Variants in DTNB observed in about 807,000 individuals in gnomAD.
The protein encoded by DTNB is DTN-B.
DTNB carries 63 observed loss-of-function variants against 90.7 expected under a neutral mutation model. The ratio of observed to expected loss-of-function variants is 0.69; its 90% confidence interval spans 0.57 to 0.86. The LOEUF (loss-of-function observed/expected upper bound fraction) is 0.86, where lower values mean the gene tolerates loss of function less well. DTNB is among the 40% of genes least tolerant of loss of function. DTNB has a pLI of 0.00. For synonymous variants in DTNB, 277 were observed against 286.7 expected, an observed-to-expected ratio of 0.97 and a Z score of 0.34; for missense variants, 744 against 807.1, an observed-to-expected ratio of 0.92 and a Z score of 0.95.
At chr2:25,587,262 A>T (rs2062624785) in intron 6 of DTNB, among the ~76,000 whole-genome samples, 1 of 152,242 alleles carries the variant, frequency 6.6e-6, no homozygotes, top group African/African-American at 2.4e-5. Context: ...TGATGATTTA[A>T]ACTCAAATTT....
intron 12 of DTNB, among the ~76,000 whole-genome samples, chr2:25,435,817 T>C (rs904133279): frequency 1.3e-5 from 2 of 152,228 alleles, no homozygotes; most frequent in African/African-American, 4.8e-5. Flanking sequence ...AGTGACTGTA[T>C]TATTTTACAT....
chr2:25,435,745 G>A lies in DTNB; in HGVS notation c.1258-1750C>T, dbSNP rs527675477. ...ATTATTTCTCTTGTGTACGTACCTA[G>A]GAATGGAATTACTGGGTCATATGGT... On this transcript the variant is annotated intron_variant, in intron 12 of 20. Transcript: ENST00000406818. 5.3e-5 allele frequency among the ~76,000 whole-genome samples: 8 copies of A among 152,298 alleles called. No homozygotes were observed. The East Asian group carries it at 1.5e-3, about 29-fold the overall frequency.
chr2:25,623,839 T>C (rs1320518688), intron 4 of DTNB, among the ~76,000 whole-genome samples: 3 of 152,184 alleles, frequency 2.0e-5, no homozygotes, highest in Non-Finnish European at 4.4e-5. Context: ...GAAATCTAGA[T>C]ATTAGATTGT....
Position 25,556,824 on chromosome 2 carries a change from G to A in DTNB, c.876+20014C>T, listed in dbSNP as rs544745554. ...AGAGGAGATAAAGGAAACTAGAATC[G>A]CAGATTCAAAAACATAAAACTAAGA... On this transcript the variant is annotated intron_variant, in intron 8 of 20. Transcript: ENST00000406818. 5.9e-5 allele frequency among the ~76,000 whole-genome samples: 9 copies of A among 152,266 alleles called. No individual in the cohort carries two copies. The South Asian group carries it at 8.3e-4, about 14-fold the overall frequency.
intron 9 of DTNB, among the ~76,000 whole-genome samples, chr2:25,486,635 A>G (rs1268653300): frequency 6.6e-6 from 1 of 150,444 alleles, no homozygotes; most frequent in African/African-American, 2.4e-5. Context: ...CCTGTCTCAA[A>G]AAAAAAAAAA....
intron 16 of DTNB, among the ~76,000 whole-genome samples, chr2:25,388,828 G>GTGTA (rs1553311494): frequency 6.6e-6 from 1 of 151,102 alleles, no homozygotes; most frequent in African/African-American, 2.5e-5. Flanking sequence ...GTGTGTGTGT[G>GTGTA]TGTATGTATA....
In DTNB at chr2:25,585,787, T is replaced by C. The variant is rs148768423; in HGVS notation, c.604-4961A>G. Among the ~76,000 whole-genome samples the C allele has an allele frequency of 6.4e-3, 973 of 152,340 alleles. 8 individuals are homozygous for C. The highest frequency in any genetic ancestry group is 0.022 in the African/African-American group (920 of 41,578). ...AAGTTTTCAGGTTAAAACATTTTTA[T>C]GCAAACTTCTGAGTATAGTTACAGA... On this transcript the variant is annotated intron_variant, in intron 6 of 20. Coordinates refer to ENST00000406818, the MANE Select transcript of DTNB (RefSeq NM_021907.5).
intron 15 of DTNB, among the ~76,000 whole-genome samples, chr2:25,420,173 G>T (rs540555957): frequency 5.3e-5 from 8 of 150,342 alleles, no homozygotes; most frequent in African/African-American, 2.0e-4. Flanking sequence ...TAGCAATTCT[G>T]CCCACTACAG....
chr2:25,624,319 G>A (rs1051238728), intron 4 of DTNB, among the ~76,000 whole-genome samples: 9 of 152,174 alleles, frequency 5.9e-5, no homozygotes, highest in Admixed American at 3.3e-4. Flanking sequence ...ACATTGTCAG[G>A]ACCTCCTGAG....
chr2:25,496,572 A>C (rs2068889865), intron 9 of DTNB, among the ~76,000 whole-genome samples: 1 of 152,202 alleles, frequency 6.6e-6, no homozygotes, highest in African/African-American at 2.4e-5. Context: ...GGCTGGGCGC[A>C]GTGGCTCACA....
chr2:25,474,110 G>A (rs2063314281), intron 10 of DTNB, among the ~76,000 whole-genome samples: 1 of 152,170 alleles, frequency 6.6e-6, no homozygotes. Context: ...ATCTGAGTTA[G>A]AACTGGTGAA....
chr2:25,542,941 G>C (rs1458329091), intron 8 of DTNB, among the ~76,000 whole-genome samples: 1 of 151,738 alleles, frequency 6.6e-6, no homozygotes, highest in Non-Finnish European at 1.5e-5. Context: ...ATCATTCATT[G>C]CTGGATATGT....
intron 16 of DTNB, among the ~76,000 whole-genome samples, chr2:25,406,714 T>C (rs2045292778): frequency 6.6e-6 from 1 of 152,064 alleles, no homozygotes; most frequent in African/African-American, 2.4e-5. Context: ...TGGCTGAGGG[T>C]GACTTAGTCA....
intron 8 of DTNB, among the ~76,000 whole-genome samples, chr2:25,535,390 G>A (rs765730366): frequency 9.1e-5 from 13 of 143,144 alleles, no homozygotes; most frequent in South Asian, 2.2e-4. Context: ...GGGAGGCCGC[G>A]CAGAGGTGCT....
intron 9 of DTNB, among the ~76,000 whole-genome samples, chr2:25,523,070 C>T (rs946803725): frequency 6.6e-6 from 1 of 152,068 alleles, no homozygotes; most frequent in Non-Finnish European, 1.5e-5. Context: ...TGGCTACACA[C>T]AAAAGGAAAT....
At chr2:25,400,714 A>ATCT (rs1228262971) in intron 16 of DTNB, among the ~76,000 whole-genome samples, 1 of 152,220 alleles carries the variant, frequency 6.6e-6, no homozygotes. Context: ...AAGGAGTGGA[A>ATCT]TCTTGTTGTA....
chr2:25,428,227 AT>A, intron 14 of DTNB, among the ~76,000 whole-genome samples: 1 of 150,582 alleles, frequency 6.6e-6, no homozygotes, highest in South Asian at 2.1e-4. Flanking sequence ...TGTCTCTGCT[AT>A]TTTTCCTTCC....
intron 9 of DTNB, among the ~76,000 whole-genome samples, chr2:25,530,252 T>C (rs954499479): frequency 1.3e-5 from 2 of 152,064 alleles, no homozygotes; most frequent in South Asian, 4.2e-4. Flanking sequence ...CTAGGCAACA[T>C]GGCAAAACAC....
intron 16 of DTNB, among the ~76,000 whole-genome samples, chr2:25,407,666 C>G (rs1296829749): frequency 6.6e-6 from 1 of 152,132 alleles, no homozygotes; most frequent in Non-Finnish European, 1.5e-5. Flanking sequence ...TGGGGTAGCT[C>G]AAGAATAGAA....
Sources: gnomAD v4.1 joint callset for allele counts (sites outside exome capture counted in the v4.1 genomes callset) on GRCh38, gnomAD v4.1.1 for gene constraint, MANE v1.5 for transcripts, NCBI Gene and HGNC (gene_info 2026-07-23, HGNC 2026-07-21) for gene names.